BMP6: variants seen among roughly 807,000 people sequenced by gnomAD.
The protein encoded by BMP6 is VG-1-R.
In BMP6, 17 loss-of-function variants were observed where a neutral mutation model predicts 54.1. The ratio of observed to expected loss-of-function variants is 0.31; its 90% CI spans 0.22 to 0.47. The LOEUF is 0.47. Among genes scored for constraint, BMP6 ranks in the 20% least tolerant of loss-of-function variants. The probability of loss-of-function intolerance (pLI) is 1.00; values close to 1 mark genes in which losing one functional copy is unlikely to be tolerated. For missense variants in BMP6, 720 were observed against 690.4 expected, an observed-to-expected ratio of 1.04 and a Z score of -0.48; for synonymous variants, 328 against 291.2, an observed-to-expected ratio of 1.13 and a Z score of -1.28.
intron 4 of BMP6, among the ~76,000 whole-genome samples, chr6:7,878,008 T>A (rs980683471): frequency 2.0e-5 from 3 of 152,158 alleles, no homozygotes; most frequent in Non-Finnish European, 2.9e-5. Flanking sequence ...GTTGGCAGCC[T>A]AGGCCATTCA....
At chr6:7,730,172 C>G (rs958028256) in intron 1 of BMP6, among the ~76,000 whole-genome samples, 2 of 152,204 alleles carry the variant, frequency 1.3e-5, no homozygotes, top group African/African-American at 2.4e-5. Flanking sequence ...GCTTCTCTGA[C>G]TTTTCGTGGG....
rs899604918 is a variant in BMP6, at chr6:7,881,279, T to G, written c.*936T>G. On this transcript the variant is annotated 3_prime_UTR_variant, in exon 7 of 7. Coordinates refer to ENST00000283147, the MANE Select transcript of BMP6 (RefSeq NM_001718.6). ...GTGTTAGGGGGATGAGCATGCTGTT[T>G]ATGAACGGAAATCATGATTTCCCTT... The G allele has an allele frequency of 6.6e-6, 1 of 152,668 alleles. No individual in the cohort carries two copies. Among genetic ancestry groups the G allele is most frequent in the African/African-American group, 2.4e-5 (1 of 41,466 alleles). The allele number at this position is 152,668 out of a possible 1,614,324, so 9.5% of individuals were successfully genotyped here.
chr6:7,813,262 T>A (rs1437604126), intron 1 of BMP6, among the ~76,000 whole-genome samples: 2 of 143,912 alleles, frequency 1.4e-5, no homozygotes, highest in African/African-American at 5.1e-5. Context: ...ATATATTATT[T>A]GATTTTTATA....
chr6:7,858,002 A>G (rs181151357), intron 2 of BMP6, among the ~76,000 whole-genome samples: 41 of 152,304 alleles, frequency 2.7e-4, no homozygotes, highest in African/African-American at 9.4e-4. Flanking sequence ...CACCATCTAC[A>G]GCTGACACCA....
intron 1 of BMP6, among the ~76,000 whole-genome samples, chr6:7,828,811 G>A (rs1013273853): frequency 4.1e-4 from 63 of 152,208 alleles, no homozygotes; most frequent in African/African-American, 1.5e-3. Context: ...TTGTTGAGGT[G>A]AAGAGGGACA....
chr6:7,728,974 G>GT, intron 1 of BMP6, among the ~76,000 whole-genome samples: 1 of 152,358 alleles, frequency 6.6e-6, no homozygotes, highest in East Asian at 1.9e-4. Flanking sequence ...AAGGGAGGGT[G>GT]TGGAGGCAGG....
intron 1 of BMP6, among the ~76,000 whole-genome samples, chr6:7,789,628 T>C (rs1037124275): frequency 5.3e-5 from 8 of 152,074 alleles, no homozygotes; most frequent in Admixed American, 2.0e-4. Context: ...TGGAGTCTCA[T>C]GGAGAGGGGG....
intron 1 of BMP6, among the ~76,000 whole-genome samples, chr6:7,796,894 T>C (rs954951486): frequency 3.9e-5 from 6 of 152,226 alleles, no homozygotes; most frequent in Non-Finnish European, 8.8e-5. Flanking sequence ...TATTCAAATC[T>C]TTCTGGATAA....
intron 1 of BMP6, among the ~76,000 whole-genome samples, chr6:7,743,841 A>C (rs1400025227): frequency 6.6e-6 from 1 of 152,262 alleles, no homozygotes; most frequent in Admixed American, 6.5e-5. Context: ...TGGGCAGCAA[A>C]CATGTTTTAC....
At chr6:7,835,041 CTG>C (rs2113240731) in intron 1 of BMP6, among the ~76,000 whole-genome samples, 1 of 152,324 alleles carries the variant, frequency 6.6e-6, no homozygotes, top group South Asian at 2.1e-4. Context: ...GCACAAAACA[CTG>C]TAGCAAATGC....
intron 1 of BMP6, among the ~76,000 whole-genome samples, chr6:7,831,375 G>A (rs1429336322): frequency 1.3e-5 from 2 of 152,188 alleles, no homozygotes; most frequent in Non-Finnish European, 2.9e-5. Flanking sequence ...TCATTTAGAG[G>A]TAGTGGATGC....
At chr6:7,862,213 G>A in intron 3 of BMP6, 88 bp from the exon 4 acceptor site, 1 of 1,447,164 alleles carries the variant, frequency 6.9e-7, no homozygotes, top group Non-Finnish European at 9.6e-7. Flanking sequence ...TTAGCACTTA[G>A]GAAACTAGGA....
At chr6:7,782,571 G>A (rs182809175) in intron 1 of BMP6, among the ~76,000 whole-genome samples, 9 of 152,248 alleles carry the variant, frequency 5.9e-5, no homozygotes, top group African/African-American at 2.2e-4. Context: ...CAGGCCAGGT[G>A]AGGTGGCCCA....
Position 7,880,117 on chromosome 6 carries a change from CTT to C in BMP6, c.1392+18_1392+19del, listed in dbSNP as rs779536486. On this transcript the variant is annotated intron_variant, in intron 6 of 6. Transcript: ENST00000283147. Reference sequence around the variant, plus strand: ...GCAGACCTTGGTGAGCTCTCGGAGACTTTGTTTTGTAAGTGGGAGTAAGCCAA... The same window carrying C: ...GCAGACCTTGGTGAGCTCTCGGAGACTGTTTTGTAAGTGGGAGTAAGCCAA... 2.5e-6 allele frequency: 4 copies of C among 1,613,958 alleles called. No individual in the cohort carries two copies. Among genetic ancestry groups the C allele is most frequent in the African/African-American group, 1.3e-5 (1 of 74,904 alleles).
Position 7,813,111 on chromosome 6 carries a change from ATATAT to A in BMP6, c.665-32028_665-32024del, listed in dbSNP as rs1561780026. On this transcript the variant is annotated intron_variant, in intron 1 of 6. Transcript: ENST00000283147. ...CAAAAAAAAAAAAAAAAAAAAAAAT[ATATAT>A]ATATATATATATATATATATATATA... Among the ~76,000 whole-genome samples the A allele has an allele frequency of 1.7e-3, 68 of 40,194 alleles. 1 individual carries two copies. Among genetic ancestry groups the A allele is most frequent in the Non-Finnish European group, 1.8e-3 (40 of 22,300 alleles). The allele number at this position is 40,194 out of a possible 152,430, so 26.4% of individuals were successfully genotyped here. A position where few individuals can be genotyped will look rare whatever the true frequency, so the allele number is the denominator to read the frequency against.
chr6:7,767,732 C>T (rs1241495022), intron 1 of BMP6, among the ~76,000 whole-genome samples: 1 of 152,246 alleles, frequency 6.6e-6, no homozygotes, highest in African/African-American at 2.4e-5. Flanking sequence ...ATAATTCCAA[C>T]AGCCCTGCTA....
rs145657075 is a variant in BMP6, at chr6:7,829,178, C to A, written c.665-15962C>A. ...GATTTAGTGTTTATTTAAGCTGCCA[C>A]CCCATGAGAGAAACTGTTGCCCAGT... On this transcript the variant is annotated intron_variant, in intron 1 of 6. Coordinates refer to ENST00000283147, the MANE Select transcript of BMP6 (RefSeq NM_001718.6). Among the ~76,000 whole-genome samples, 525 of 152,294 alleles carry A rather than the reference C, an allele frequency of 3.4e-3. 6 individuals are homozygous for A. Among genetic ancestry groups the A allele is most frequent in the Admixed American group, 0.03 (466 of 15,294 alleles).
At chr6:7,864,399 C>T (rs1759384643) in intron 4 of BMP6, among the ~76,000 whole-genome samples, 1 of 152,180 alleles carries the variant, frequency 6.6e-6, no homozygotes, top group Admixed American at 6.5e-5. Flanking sequence ...GCATCAAAAT[C>T]TGGCTCATAA....
intron 1 of BMP6, among the ~76,000 whole-genome samples, chr6:7,750,272 A>G (rs927416): frequency 6.9e-4 from 105 of 152,340 alleles, no homozygotes; most frequent in African/African-American, 2.1e-3. Flanking sequence ...CTAAGGCCAC[A>G]TTCGTCTAAG....
Sources: allele counts gnomAD v4.1 joint callset (sites outside exome capture counted in the v4.1 genomes callset), GRCh38; gene constraint gnomAD v4.1.1; transcripts MANE v1.5; gene names NCBI Gene and HGNC (gene_info 2026-07-23, HGNC 2026-07-21).